The following DCC variants were observed in gnomAD, a reference collection of about 807,000 sequenced individuals.
DCC encodes the protein DCC netrin 1 receptor.
A neutral mutation model predicts 172.5 loss-of-function variants in DCC; 58 were observed. The ratio of observed to expected loss-of-function variants is 0.34; its 90% CI spans 0.27 to 0.42. DCC has a LOEUF of 0.42. Among genes scored for constraint, DCC ranks in the 10% least tolerant of loss-of-function variants. DCC has a pLI of 1.00. For missense variants in DCC, 1,740 were observed against 1,791.0 expected (o/e 0.97, Z 0.51); for synonymous variants, 709 against 644.5 (o/e 1.10, Z -1.52).
chr18:53,116,915 T>C (rs2043417016), intron 7 of DCC, among the ~76,000 whole-genome samples: 1 of 151,700 alleles, frequency 6.6e-6, no homozygotes, highest in Non-Finnish European at 1.5e-5. Context: ...TTTGAAAAAG[T>C]AAAATAAATT....
At chr18:52,424,503 T>G (rs563964821) in intron 1 of DCC, among the ~76,000 whole-genome samples, 1 of 152,280 alleles carries the variant, frequency 6.6e-6, no homozygotes, top group East Asian at 1.9e-4. Flanking sequence ...ATTTAGTGCT[T>G]TTATCAAATA....
chr18:53,041,379 T>A (rs1448390420), intron 5 of DCC, among the ~76,000 whole-genome samples: 1 of 152,144 alleles, frequency 6.6e-6, no homozygotes, highest in Admixed American at 6.6e-5. Flanking sequence ...TTTATATATC[T>A]GTTTTGGTAC....
At position 53,096,759 on chromosome 18, in the gene DCC, A is replaced by G. The variant is rs367793090; in HGVS notation, c.1261+30593A>G. Among the ~76,000 whole-genome samples, 20 of 152,306 alleles carry G rather than the reference A, an allele frequency of 1.3e-4. No homozygotes were observed. In the East Asian group the frequency reaches 3.7e-3, roughly 28 times the overall value. On this transcript the variant is annotated intron_variant, in intron 7 of 28. Transcript: ENST00000442544. The stretch of plus-strand genomic sequence containing the variant: ...AAAAGAAGCATTAAGCAGAGAGTCT[A>G]AGCAATTGTTTAAAAATCAGCTTGC...
At chr18:52,414,988 T>C (rs1452643539) in intron 1 of DCC, among the ~76,000 whole-genome samples, 1 of 152,214 alleles carries the variant, frequency 6.6e-6, no homozygotes, top group African/African-American at 2.4e-5. Context: ...GTTTCAGAAG[T>C]GTAGGTAGAG....
Position 52,575,234 on chromosome 18 carries a change from A to G in DCC, c.92-176820A>G, listed in dbSNP as rs1436811898. ...CATCTTCTCTCTGTATCCATTCTGT[A>G]GAAAACCTGAGAACTTCTTCATAGC... is the stretch of plus-strand genomic sequence containing the variant. On this transcript the variant is annotated intron_variant, in intron 1 of 28. Coordinates refer to ENST00000442544, the MANE Select transcript of DCC (RefSeq NM_005215.4). Among the ~76,000 whole-genome samples, 2 of 152,198 alleles carry G rather than the reference A, an allele frequency of 1.3e-5. 1 individual carries two copies. Among genetic ancestry groups the G allele is most frequent in the South Asian group, 4.1e-4 (2 of 4,828 alleles).
At chr18:52,752,003 T>C in intron 1 of DCC, 51 bp from the exon 2 acceptor site, 1 of 1,492,664 alleles carries the variant, frequency 6.7e-7, no homozygotes, top group Non-Finnish European at 9.3e-7. Context: ...AATCTAAGCC[T>C]GAGATTTATT....
chr18:52,838,055 G>A (rs1387509808), intron 2 of DCC, among the ~76,000 whole-genome samples: 2 of 152,140 alleles, frequency 1.3e-5, no homozygotes, highest in African/African-American at 4.8e-5. Flanking sequence ...CCACCCCCAT[G>A]ATTCAATTAT....
intron 1 of DCC, among the ~76,000 whole-genome samples, chr18:52,568,835 A>G (rs1017323954): frequency 6.6e-6 from 1 of 152,190 alleles, no homozygotes; most frequent in South Asian, 2.1e-4. Context: ...TTAAATGCCT[A>G]AGTTTAAATT....
intron 1 of DCC, among the ~76,000 whole-genome samples, chr18:52,498,973 A>T (rs748259345): frequency 2.0e-5 from 3 of 152,192 alleles, no homozygotes; most frequent in Non-Finnish European, 4.4e-5. Context: ...GGCACAGCGC[A>T]GTCCATAGCA....
At chr18:52,868,083 A>G (rs62098993) in intron 2 of DCC, among the ~76,000 whole-genome samples, 21 of 135,508 alleles carry the variant, frequency 1.5e-4, no homozygotes, top group Non-Finnish European at 2.8e-4. Flanking sequence ...GTGTGTATAT[A>G]TGTGTGTATA....
intron 1 of DCC, among the ~76,000 whole-genome samples, chr18:52,556,889 C>T (rs552700902): frequency 2.6e-5 from 4 of 152,244 alleles, no homozygotes; most frequent in African/African-American, 9.6e-5. Flanking sequence ...CTCTCAAATT[C>T]TCCTGTGTGG....
At chr18:52,959,084 C>T (rs2040796672) in intron 5 of DCC, among the ~76,000 whole-genome samples, 1 of 152,044 alleles carries the variant, frequency 6.6e-6, no homozygotes, top group Non-Finnish European at 1.5e-5. Flanking sequence ...GGACTGGACA[C>T]CTCTGATTTA....
chr18:53,207,898 A>G lies in DCC; in HGVS notation c.1861+81A>G, dbSNP rs2055678674. The G allele has an allele frequency of 2.8e-5, 36 of 1,299,482 alleles. No homozygotes were observed. The East Asian group carries it at 7.8e-4, about 28-fold the overall frequency. The allele number at this position is 1,299,482 out of a possible 1,614,324, so 80.5% of individuals were successfully genotyped here. The stretch of plus-strand genomic sequence containing the variant: ...TGACATGATATTGCACATATATCAT[A>G]TATTCCATTTTCAAGGCTTCCTGAC... On this transcript the variant is annotated intron_variant, in intron 11 of 28. Coordinates refer to ENST00000442544, the MANE Select transcript of DCC (RefSeq NM_005215.4).
intron 12 of DCC, among the ~76,000 whole-genome samples, chr18:53,270,677 G>A (rs1445160938): frequency 1.3e-5 from 2 of 151,964 alleles, no homozygotes; most frequent in Non-Finnish European, 2.9e-5. Flanking sequence ...TTAGCCCCTC[G>A]ATACCATATG....
At chr18:52,516,628 T>A (rs187195778) in intron 1 of DCC, among the ~76,000 whole-genome samples, 1 of 152,248 alleles carries the variant, frequency 6.6e-6, no homozygotes, top group Non-Finnish European at 1.5e-5. Flanking sequence ...AACCACGTTA[T>A]ATAGTATTAA....
chr18:52,927,158 C>CGT (rs1568192254), intron 5 of DCC, among the ~76,000 whole-genome samples: 2 of 25,438 alleles, frequency 7.9e-5, no homozygotes, highest in Non-Finnish European at 1.2e-4. Flanking sequence ...TGTATATATA[C>CGT]GTATATATGT....
At chr18:53,229,876 T>C (rs1189501560) in intron 12 of DCC, among the ~76,000 whole-genome samples, 1 of 152,154 alleles carries the variant, frequency 6.6e-6, no homozygotes, top group East Asian at 1.9e-4. Context: ...TTCTTTAGCA[T>C]GAACACATAC....
At chr18:52,893,987 C>G (rs1032972039) in intron 2 of DCC, among the ~76,000 whole-genome samples, 1 of 152,166 alleles carries the variant, frequency 6.6e-6, no homozygotes, top group Admixed American at 6.6e-5. Flanking sequence ...TATTTACTGA[C>G]TTACTTGCCA....
chr18:52,890,882 C>A (rs758993733), intron 2 of DCC, among the ~76,000 whole-genome samples: 2 of 151,946 alleles, frequency 1.3e-5, no homozygotes, highest in Non-Finnish European at 2.9e-5. Context: ...AGTCATAGAA[C>A]CTGGCAAAAT....
Sources: gnomAD v4.1 joint callset for allele counts (sites outside exome capture counted in the v4.1 genomes callset) on GRCh38, gnomAD v4.1.1 for gene constraint, MANE v1.5 for transcripts, NCBI Gene and HGNC (gene_info 2026-07-23, HGNC 2026-07-21) for gene names.